PPP3CB: variants seen among roughly 807,000 people sequenced by gnomAD.
PPP3CB encodes serine/threonine-protein phosphatase 2B catalytic subunit beta isoform.
Under a neutral mutation model 66.4 loss-of-function variants are expected in PPP3CB, and 8 were observed. The observed-to-expected ratio is 0.12, with a 90% CI of 0.07 to 0.22. The LOEUF (loss-of-function observed/expected upper bound fraction) is 0.22. Among genes scored for constraint, PPP3CB ranks in the 10% least tolerant of loss-of-function variants. The pLI, the probability that PPP3CB is intolerant of heterozygous loss-of-function variation, is 1.00. For missense variants in PPP3CB, 319 were observed against 642.5 expected, an observed-to-expected ratio of 0.50 and a Z score of 5.44; for synonymous variants, 208 against 221.2, an observed-to-expected ratio of 0.94 and a Z score of 0.53.
chr10:73,443,650 A>C (rs895844668), intron 12 of PPP3CB: 1 of 152,208 alleles, frequency 6.6e-6, no homozygotes, highest in African/African-American at 2.4e-5. Context: ...ATTACTGTGT[A>C]TGGTCACTAA....
At chr10:73,462,137 CTTCTTTTTT>C (rs2056532021) in intron 9 of PPP3CB, among the ~76,000 whole-genome samples, 2 of 141,614 alleles carry the variant, frequency 1.4e-5, no homozygotes, top group African/African-American at 5.3e-5. Flanking sequence ...AATTAAACTC[CTTCTTTTTT>C]TTTTTTTTTT....
chr10:73,490,290 T>C (rs924095005), intron 1 of PPP3CB, among the ~76,000 whole-genome samples: 1 of 152,216 alleles, frequency 6.6e-6, no homozygotes, highest in African/African-American at 2.4e-5. Flanking sequence ...GCAACTTACC[T>C]GGCAATTATT....
At chr10:73,472,871 T>C (rs1373316468) in intron 4 of PPP3CB, among the ~76,000 whole-genome samples, 1 of 152,232 alleles carries the variant, frequency 6.6e-6, no homozygotes, top group Non-Finnish European at 1.5e-5. Flanking sequence ...AGAGATATCA[T>C]GCACTTTCAT....
At chr10:73,443,320 GAAAGAAAGAA>G (rs879646268) in intron 12 of PPP3CB, among the ~76,000 whole-genome samples, 111 of 134,490 alleles carry the variant, frequency 8.3e-4, no homozygotes, top group African/African-American at 9.1e-4. Flanking sequence ...AAGAAAGAAA[GAAAGAAAGAA>G]AAAGAAAGAG....
intron 12 of PPP3CB, chr10:73,443,644 CTG>C (rs1457566285): frequency 6.6e-6 from 1 of 152,168 alleles, no homozygotes; most frequent in African/African-American, 2.4e-5. Flanking sequence ...GACTGAATTA[CTG>C]TGTATGGTCA....
intron 9 of PPP3CB, among the ~76,000 whole-genome samples, chr10:73,455,304 T>C (rs1241533022): frequency 6.6e-6 from 1 of 152,172 alleles, no homozygotes; most frequent in Non-Finnish European, 1.5e-5. Flanking sequence ...GACTATTCTG[T>C]ATATTTTTTT....
intron 3 of PPP3CB, 60 bp from the exon 4 acceptor site, chr10:73,475,090 G>C (rs1198640913): frequency 1.3e-6 from 2 of 1,565,206 alleles, no homozygotes; most frequent in Non-Finnish European, 1.7e-6. Flanking sequence ...GAAGCTGCTT[G>C]ATCTTTGCTC....
chr10:73,485,713 A>C (rs964918362), intron 1 of PPP3CB, among the ~76,000 whole-genome samples: 2 of 151,758 alleles, frequency 1.3e-5, no homozygotes, highest in Non-Finnish European at 2.9e-5. Flanking sequence ...TTTTGTTTTA[A>C]TCTATCCCAC....
chr10:73,457,482 T>TA (rs1004456528), intron 9 of PPP3CB, among the ~76,000 whole-genome samples: 3 of 151,946 alleles, frequency 2.0e-5, no homozygotes, highest in African/African-American at 7.2e-5. Context: ...GTCATGCCTG[T>TA]AATCCCAGCA....
At chr10:73,479,677 T>C (rs1245214218) in intron 1 of PPP3CB, among the ~76,000 whole-genome samples, 160 bp from the exon 2 acceptor site, 1 of 152,230 alleles carries the variant, frequency 6.6e-6, no homozygotes, top group Non-Finnish European at 1.5e-5. Flanking sequence ...AAGCAAATTA[T>C]ACCACTTTTA....
At chr10:73,439,851 G>C in intron 13 of PPP3CB, 21 bp downstream of exon 13, 1 of 1,611,400 alleles carries the variant, frequency 6.2e-7, no homozygotes, top group Non-Finnish European at 8.5e-7. Context: ...TCTCTGCCCA[G>C]CACAAGGACT....
intron 10 of PPP3CB, among the ~76,000 whole-genome samples, chr10:73,452,182 G>T (rs2056357659): frequency 6.6e-6 from 1 of 152,026 alleles, no homozygotes; most frequent in Non-Finnish European, 1.5e-5. Flanking sequence ...AAAAAAAGTA[G>T]GCTATGTGGC....
intron 4 of PPP3CB, 33 bp downstream of exon 4, chr10:73,474,886 G>A: frequency 6.2e-7 from 1 of 1,609,584 alleles, no homozygotes; most frequent in Non-Finnish European, 8.5e-7. Context: ...AGAATACTGA[G>A]GAAGTGAAAA....
In PPP3CB at chr10:73,439,864, G is replaced by A. The variant is rs377496586; in HGVS notation, c.1396+8C>T. Reference sequence around the variant, plus strand: ...GATCTCTGCCCAGCACAAGGACTCTGATCATACCTTTTTCAGCCTCAATAG... The same window carrying A: ...GATCTCTGCCCAGCACAAGGACTCTAATCATACCTTTTTCAGCCTCAATAG... On this transcript the variant is annotated splice_region_variant and intron_variant, in intron 13 of 13. Transcript: ENST00000360663. 8.7e-6 allele frequency: 14 copies of A among 1,612,914 alleles called. No homozygotes were observed. The highest frequency in any genetic ancestry group is 2.2e-5 in the East Asian group (1 of 44,878).
chr10:73,486,165 C>T (rs573752810), intron 1 of PPP3CB, among the ~76,000 whole-genome samples: 6 of 150,860 alleles, frequency 4.0e-5, no homozygotes, highest in South Asian at 4.2e-4. Context: ...AGGCTGGACT[C>T]GAACCCTTAA....
intron 5 of PPP3CB, 82 bp from the exon 6 acceptor site, chr10:73,471,291 T>A: frequency 7.1e-7 from 1 of 1,409,444 alleles, no homozygotes; most frequent in Non-Finnish European, 9.7e-7. Context: ...GATACCAACT[T>A]TGAATACAGT....
At chr10:73,488,750 G>C (rs2057027810) in intron 1 of PPP3CB, among the ~76,000 whole-genome samples, 1 of 151,762 alleles carries the variant, frequency 6.6e-6, no homozygotes, top group Non-Finnish European at 1.5e-5. Flanking sequence ...CTCAAAATTG[G>C]CTCCCCTTCC....
chr10:73,486,594 C>T (rs539870450), intron 1 of PPP3CB, among the ~76,000 whole-genome samples: 56 of 152,082 alleles, frequency 3.7e-4, no homozygotes, highest in Non-Finnish European at 6.5e-4. Context: ...CGTGAGCCAC[C>T]GCGCTTGGCC....
At chr10:73,482,766 C>T (rs530236658) in intron 1 of PPP3CB, among the ~76,000 whole-genome samples, 11 of 151,726 alleles carry the variant, frequency 7.2e-5, no homozygotes, top group South Asian at 2.1e-4. Context: ...TACAGGCACC[C>T]GCCACCACAC....
Sources: allele counts gnomAD v4.1 joint callset (sites outside exome capture counted in the v4.1 genomes callset), GRCh38; gene constraint gnomAD v4.1.1; transcripts MANE v1.5; gene names NCBI Gene and HGNC (gene_info 2026-07-23, HGNC 2026-07-21).